The following DNAH11 variants were observed in gnomAD, a reference collection of about 807,000 sequenced individuals.
DNAH11 encodes the protein axonemal beta dynein heavy chain 11.
A neutral mutation model predicts 526.0 loss-of-function variants in DNAH11; 442 were observed. That is an observed-to-expected ratio of 0.84 (90% confidence interval 0.78 to 0.91). DNAH11 has a LOEUF of 0.91. Among genes scored for constraint, DNAH11 ranks in the 40% least tolerant of loss-of-function variants. DNAH11 has a pLI of 0.00. For synonymous variants in DNAH11, 2,461 were observed against 1,935.9 expected (o/e 1.27, Z -7.12); for missense variants, 6,989 against 5,448.7 (o/e 1.28, Z -8.90).
chr7:21,585,459 C>T (rs1161964146), intron 9 of DNAH11, among the ~76,000 whole-genome samples: 7 of 152,108 alleles, frequency 4.6e-5, no homozygotes, highest in East Asian at 1.9e-4. Flanking sequence ...TCTCTGAAGA[C>T]GACTATTCCA....
chr7:21,802,436 G>T (rs1307770536), intron 62 of DNAH11, among the ~76,000 whole-genome samples: 1 of 151,986 alleles, frequency 6.6e-6, no homozygotes, highest in Non-Finnish European at 1.5e-5. Flanking sequence ...TAAACATAAA[G>T]TTACCACATG....
intron 61 of DNAH11, among the ~76,000 whole-genome samples, chr7:21,795,448 G>A (rs1014098628): frequency 6.6e-6 from 1 of 152,164 alleles, no homozygotes; most frequent in South Asian, 2.1e-4. Context: ...CTACACATCA[G>A]TGTACACCTC....
chr7:21,560,950 G>T, intron 4 of DNAH11, 121 bp from the exon 5 acceptor site: 1 of 651,648 alleles, frequency 1.5e-6, no homozygotes, highest in South Asian at 2.1e-5. Flanking sequence ...ATATAACTTT[G>T]AGTGTTAAAT....
chr7:21,558,772 A>G lies in DNAH11; in HGVS notation c.496-30A>G. ...CTTTGAAGGAATGCATTGTCTGTAA[A>G]TTAATTTAACTATGTTTCTCTTTCT... On this transcript the variant is annotated intron_variant, in intron 2 of 81. Coordinates refer to ENST00000409508, the MANE Select transcript of DNAH11 (RefSeq NM_001277115.2). 2.6e-6 allele frequency: 4 copies of G among 1,512,820 alleles called. No individual in the cohort carries two copies. In the South Asian group the frequency reaches 5.2e-5, roughly 19 times the overall value. 93.7% of individuals were successfully genotyped at this position (1,512,820 alleles called of 1,614,324 possible).
intron 54 of DNAH11, among the ~76,000 whole-genome samples, chr7:21,764,388 C>A (rs1469179142): frequency 6.6e-6 from 1 of 152,096 alleles, no homozygotes; most frequent in Non-Finnish European, 1.5e-5. Context: ...TCATCAATTG[C>A]CTGATCTCAA....
At chr7:21,803,442 A>G (rs1315943087) in intron 62 of DNAH11, among the ~76,000 whole-genome samples, 1 of 152,188 alleles carries the variant, frequency 6.6e-6, no homozygotes, top group Non-Finnish European at 1.5e-5. Flanking sequence ...TTCAGATTCA[A>G]AGAGACAGTA....
intron 14 of DNAH11, among the ~76,000 whole-genome samples, chr7:21,597,702 C>G (rs569186883): frequency 1.3e-5 from 2 of 152,292 alleles, no homozygotes; most frequent in Non-Finnish European, 2.9e-5. Context: ...CACCTTCCAC[C>G]AGGCCACTCT....
intron 65 of DNAH11, among the ~76,000 whole-genome samples, chr7:21,823,573 T>G (rs1486182843): frequency 6.6e-6 from 1 of 152,158 alleles, no homozygotes; most frequent in Non-Finnish European, 1.5e-5. Context: ...ATTTTGCCAT[T>G]TTTTTCTCCC....
chr7:21,744,133 T>C (rs1452233600), intron 49 of DNAH11, among the ~76,000 whole-genome samples: 1 of 152,256 alleles, frequency 6.6e-6, no homozygotes, highest in Non-Finnish European at 1.5e-5. Context: ...ACTCTGGTTT[T>C]GTAAACTTAG....
At chr7:21,824,871 T>C (rs1357960349) in intron 65 of DNAH11, among the ~76,000 whole-genome samples, 1 of 152,122 alleles carries the variant, frequency 6.6e-6, no homozygotes, top group Non-Finnish European at 1.5e-5. Context: ...TGCAAATTCG[T>C]TACTATAATA....
chr7:21,833,510 T>C (rs941047879), intron 65 of DNAH11, among the ~76,000 whole-genome samples: 2 of 151,998 alleles, frequency 1.3e-5, no homozygotes, highest in African/African-American at 4.8e-5. Context: ...CTGGCCAACA[T>C]GATGAAACCT....
At chr7:21,727,523 A>C (rs1319952065) in intron 45 of DNAH11, among the ~76,000 whole-genome samples, 2 of 152,040 alleles carry the variant, frequency 1.3e-5, no homozygotes, top group Non-Finnish European at 2.9e-5. Context: ...CTCTTTCTTC[A>C]CTGTTTCTTT....
chr7:21,888,787 C>T (rs1000031573), intron 76 of DNAH11, among the ~76,000 whole-genome samples: 4 of 152,034 alleles, frequency 2.6e-5, no homozygotes, highest in Admixed American at 6.6e-5. Flanking sequence ...CATGCCTGGC[C>T]GAAAATATCA....
At chr7:21,583,321 AAAAC>A (rs202184434) in intron 9 of DNAH11, among the ~76,000 whole-genome samples, 3,121 of 152,302 alleles carry the variant, frequency 0.02, 110 homozygotes, top group African/African-American at 0.07. Flanking sequence ...AAACCTGACA[AAAAC>A]AAGCAATGGG....
rs3219983 is a variant in DNAH11 at position 21,765,610 on chromosome 7, TCACA to T, written c.9102+67_9102+70del. 17,446 of 951,642 alleles carry T rather than the reference TCACA, an allele frequency of 0.018. 395 individuals are homozygous for T. Among genetic ancestry groups the T allele is most frequent in the African/African-American group, 0.06 (3,799 of 63,000 alleles). The allele number at this position is 951,642 out of a possible 1,614,324, so 58.9% of individuals were successfully genotyped here. On this transcript the variant is annotated intron_variant, in intron 55 of 81. Transcript: ENST00000409508. Reference sequence around the variant, plus strand: ...TTGAGGTATGCCGTGTCAGCCTGCGTCACACACACACACACACACACACACACAC... The same window carrying T: ...TTGAGGTATGCCGTGTCAGCCTGCGTCACACACACACACACACACACACAC...
chr7:21,687,465 T>C lies in DNAH11; in HGVS notation c.5862T>C (p.Val1954=). The stretch of plus-strand genomic sequence containing the variant: ...AGTTCAACCGAATCTCTGTGGAAGT[T>C]CTGTCAGTGGTGGCAGTACAAGTGA... ...FDEFNRISVE[V]LSVVAVQVKM... The change falls in exon 34 of 82, where the codon GTT becomes GTC. Residue 1954 remains valine, a synonymous_variant. Coordinates refer to ENST00000409508, the MANE Select transcript of DNAH11 (RefSeq NM_001277115.2). The C allele has an allele frequency of 6.2e-7, 1 of 1,613,942 alleles. No individual in the cohort carries two copies. Among genetic ancestry groups the C allele is most frequent in the East Asian group, 2.2e-5 (1 of 44,878 alleles).
intron 61 of DNAH11, among the ~76,000 whole-genome samples, chr7:21,800,257 C>G (rs1788914273): frequency 6.6e-6 from 1 of 152,162 alleles, no homozygotes; most frequent in African/African-American, 2.4e-5. Context: ...TAAACGCAGC[C>G]CTGTGATTCA....
chr7:21,868,870 G>A lies in DNAH11; in HGVS notation c.11846G>A (p.Arg3949Lys). ...ALKDLEILGKRLGFTIDSGKF... is the reference protein window; with the variant it reads ...ALKDLEILGKKLGFTIDSGKF... ...GTGGTGTATTCTCCCACAGGCAAAA[G>A]ACTTGGCTTTACAATTGACTCTGGA... Residue 3949 changes from arginine to lysine, a missense_variant, in exon 73 of 82, where the codon AGA becomes AAA. Arg to Lys is a conservative substitution (Grantham distance 26, BLOSUM62 2). Coordinates refer to ENST00000409508, the MANE Select transcript of DNAH11 (RefSeq NM_001277115.2). The A allele has an allele frequency of 6.2e-7, 1 of 1,613,956 alleles. No individual in the cohort carries two copies.
chr7:21,631,100 T>A (rs1786582343), intron 25 of DNAH11, among the ~76,000 whole-genome samples: 1 of 152,172 alleles, frequency 6.6e-6, no homozygotes, highest in Admixed American at 6.5e-5. Flanking sequence ...GAAAGGCTTG[T>A]CTCACATGGC....
Sources: allele counts gnomAD v4.1 joint callset (sites outside exome capture counted in the v4.1 genomes callset), GRCh38; gene constraint gnomAD v4.1.1; transcripts MANE v1.5; gene names NCBI Gene and HGNC (gene_info 2026-07-23, HGNC 2026-07-21).